The following ELP4 variants were observed in gnomAD, a reference collection of about 807,000 sequenced individuals.
The protein encoded by ELP4 is elongator complex protein 4.
In ELP4, 51 loss-of-function variants were observed where a neutral mutation model predicts 48.9. That is an observed-to-expected ratio of 1.04 (90% CI 0.83 to 1.32). The LOEUF is 1.32. Among genes scored for constraint, ELP4 ranks in the 40% most tolerant of loss-of-function variants. ELP4 has a pLI of 0.00. For synonymous variants in ELP4, 210 were observed against 189.2 expected (o/e 1.11, Z -0.90); for missense variants, 519 against 514.6 (o/e 1.01, Z -0.08).
rs1415946275 is a variant in ELP4 at position 31,510,091 on chromosome 11, CT to C, written c.223+85del. 3 of 1,261,564 alleles carry C rather than the reference CT, an allele frequency of 2.4e-6. No homozygotes were observed. In the African/African-American group the frequency reaches 4.4e-5, roughly 19 times the overall value. 78.1% of individuals were successfully genotyped at this position (1,261,564 alleles called of 1,614,324 possible). ...CGGGGAAGCCACTTTGACCCCACAT[CT>C]CTTTCTGACCCCTAAACCTTCGGAG... On this transcript the variant is annotated intron_variant, in intron 1 of 9. Coordinates refer to ENST00000640961, the MANE Select transcript of ELP4 (RefSeq NM_019040.5).
At chr11:31,686,585 G>C (rs528231266) in intron 9 of ELP4, among the ~76,000 whole-genome samples, 2 of 152,186 alleles carry the variant, frequency 1.3e-5, no homozygotes, top group African/African-American at 4.8e-5. Flanking sequence ...TTGTGTTTTA[G>C]AAGTATCACT....
intron 2 of ELP4, among the ~76,000 whole-genome samples, chr11:31,536,217 A>C (rs1315357959): frequency 6.6e-6 from 1 of 152,166 alleles, no homozygotes; most frequent in African/African-American, 2.4e-5. Context: ...AAAAGCTGTC[A>C]TAAACCTTCT....
intron 5 of ELP4, among the ~76,000 whole-genome samples, chr11:31,615,446 T>G (rs1287236388): frequency 6.6e-6 from 1 of 152,066 alleles, no homozygotes; most frequent in African/African-American, 2.4e-5. Context: ...GTTAATGAAT[T>G]TTAGCCATCA....
intron 5 of ELP4, among the ~76,000 whole-genome samples, chr11:31,614,900 C>G (rs533900803): frequency 5.3e-5 from 8 of 152,114 alleles, no homozygotes; most frequent in Non-Finnish European, 8.8e-5. Context: ...GAACAAATGA[C>G]AACTGAATAC....
chr11:31,523,392 T>G (rs1956246981), intron 2 of ELP4, among the ~76,000 whole-genome samples: 1 of 152,172 alleles, frequency 6.6e-6, no homozygotes, highest in Non-Finnish European at 1.5e-5. Flanking sequence ...TTAATAACAT[T>G]TTACTATAGA....
At position 31,616,735 on chromosome 11, in the gene ELP4, A is replaced by G. The variant is rs1944493051; in HGVS notation, c.654-10375A>G. Among the ~76,000 whole-genome samples, 4 of 152,046 alleles carry G rather than the reference A, an allele frequency of 2.6e-5. 1 individual carries two copies. In the South Asian group the frequency reaches 8.3e-4, roughly 31 times the overall value. On this transcript the variant is annotated intron_variant, in intron 5 of 9. Transcript: ENST00000640961. The stretch of plus-strand genomic sequence containing the variant: ...CGACTTGACAACATAAAAACAAATA[A>G]CCTGACTTTATAAAATAGGCAAAGG...
chr11:31,581,245 C>T (rs773257535), intron 3 of ELP4, among the ~76,000 whole-genome samples: 1 of 152,134 alleles, frequency 6.6e-6, no homozygotes, highest in Non-Finnish European at 1.5e-5. Flanking sequence ...CTAGCAACTG[C>T]CTTGACCTTG....
chr11:31,584,284 G>A (rs1386587409), intron 3 of ELP4, among the ~76,000 whole-genome samples: 1 of 151,848 alleles, frequency 6.6e-6, no homozygotes, highest in African/African-American at 2.4e-5. Flanking sequence ...ATAGGGCTGT[G>A]GGGCAAAGGA....
At chr11:31,564,721 T>G (rs541418830) in intron 3 of ELP4, among the ~76,000 whole-genome samples, 4 of 152,364 alleles carry the variant, frequency 2.6e-5, no homozygotes, top group Admixed American at 2.0e-4. Flanking sequence ...TCCTTTTTTA[T>G]GGCTGCATAG....
intron 9 of ELP4, among the ~76,000 whole-genome samples, chr11:31,746,119 C>CA (rs1205610734): frequency 6.6e-6 from 1 of 151,866 alleles, no homozygotes; most frequent in Non-Finnish European, 1.5e-5. Context: ...TTTATGCAGC[C>CA]AAAAAACACA....
At chr11:31,550,972 A>C (rs1327952674) in intron 3 of ELP4, among the ~76,000 whole-genome samples, 2 of 152,098 alleles carry the variant, frequency 1.3e-5, no homozygotes, top group Admixed American at 6.5e-5. Flanking sequence ...TTTCTTCCGG[A>C]TCATACTGGT....
intron 5 of ELP4, among the ~76,000 whole-genome samples, chr11:31,623,565 C>A (rs10742259): frequency 1.9e-4 from 29 of 149,488 alleles, no homozygotes; most frequent in African/African-American, 7.1e-4. Flanking sequence ...TATTTTGTTA[C>A]CAAATAGTTT....
At chr11:31,572,598 G>GTCTA (rs978105943) in intron 3 of ELP4, among the ~76,000 whole-genome samples, 2 of 152,102 alleles carry the variant, frequency 1.3e-5, no homozygotes, top group African/African-American at 4.8e-5. Context: ...TAGAGAGATT[G>GTCTA]TCTATCTATC....
intron 9 of ELP4, chr11:31,663,535 T>C (rs569085056): frequency 6.6e-6 from 1 of 152,172 alleles, no homozygotes; most frequent in Non-Finnish European, 1.5e-5. Context: ...TACATTTCTA[T>C]ATTGGGCGTA....
At chr11:31,588,171 A>G (rs1166379665) in intron 3 of ELP4, among the ~76,000 whole-genome samples, 3 of 152,124 alleles carry the variant, frequency 2.0e-5, no homozygotes, top group African/African-American at 7.2e-5. Context: ...ATTCTATTTC[A>G]TATCAATCTT....
chr11:31,549,687 C>G (rs546220433), intron 3 of ELP4, among the ~76,000 whole-genome samples: 5 of 152,114 alleles, frequency 3.3e-5, no homozygotes, highest in African/African-American at 1.2e-4. Context: ...CACATGTACA[C>G]GTATGTTTAT....
chr11:31,748,936 A>C (rs1483201089), intron 9 of ELP4, among the ~76,000 whole-genome samples: 2 of 152,198 alleles, frequency 1.3e-5, no homozygotes, highest in Non-Finnish European at 2.9e-5. Context: ...GATGTGGCCA[A>C]ACTTTGAAGT....
At chr11:31,548,837 C>G (rs1398645963) in intron 3 of ELP4, among the ~76,000 whole-genome samples, 2 of 152,314 alleles carry the variant, frequency 1.3e-5, no homozygotes, top group East Asian at 3.9e-4. Context: ...TGCTGCATAT[C>G]TACAAATATC....
In ELP4 at chr11:31,783,841, A is replaced by G. The variant is rs1489645719; in HGVS notation, c.*317A>G. 1.0e-5 allele frequency: 2 copies of G among 193,624 alleles called. No homozygotes were observed. The highest frequency in any genetic ancestry group is 2.3e-4 in the East Asian group (2 of 8,596). The allele number at this position is 193,624 out of a possible 1,614,324, so 12.0% of individuals were successfully genotyped here. A position where few individuals can be genotyped will look rare whatever the true frequency, so the allele number is the denominator to read the frequency against. The stretch of plus-strand genomic sequence containing the variant: ...GGCATTTAGTGTCATGGTAAAGTGC[A>G]TGTCACAGCAGGTAGCATACAAAAC... On this transcript the variant is annotated 3_prime_UTR_variant, in exon 10 of 10. Transcript: ENST00000640961.
Sources: allele counts gnomAD v4.1 joint callset (sites outside exome capture counted in the v4.1 genomes callset), GRCh38; gene constraint gnomAD v4.1.1; transcripts MANE v1.5; gene names NCBI Gene and HGNC (gene_info 2026-07-23, HGNC 2026-07-21).